Variants in ARHGAP44 observed in about 807,000 individuals in gnomAD.
ARHGAP44 encodes rho GTPase-activating protein 44.
In ARHGAP44, 43 loss-of-function variants were observed where a neutral mutation model predicts 106.8. That is an observed-to-expected ratio of 0.40 (90% CI 0.32 to 0.52). The LOEUF is 0.52. ARHGAP44 is among the 20% of genes least tolerant of loss of function. The pLI is 0.48. For synonymous variants in ARHGAP44, 439 were observed against 410.3 expected (o/e 1.07, Z -0.85); for missense variants, 866 against 1,050.5 (o/e 0.82, Z 2.43).
chr17:12,824,520 C>CA (rs2034863583), intron 1 of ARHGAP44, among the ~76,000 whole-genome samples: 2 of 152,078 alleles, frequency 1.3e-5, no homozygotes, highest in South Asian at 4.1e-4. Flanking sequence ...TTCCTGTTGT[C>CA]ACCTGCCCCA....
chr17:12,940,999 T>C, intron 7 of ARHGAP44, 57 bp from the exon 8 acceptor site: 7 of 1,487,004 alleles, frequency 4.7e-6, no homozygotes, highest in Non-Finnish European at 6.6e-6. Flanking sequence ...GACTTATGCA[T>C]TAGCCACTCT....
At chr17:12,886,958 C>A (rs1047309537) in intron 1 of ARHGAP44, among the ~76,000 whole-genome samples, 1 of 121,126 alleles carries the variant, frequency 8.3e-6, no homozygotes, top group African/African-American at 3.3e-5. Context: ...TCCTAGTTTT[C>A]TAAGAGTTTT....
intron 1 of ARHGAP44, among the ~76,000 whole-genome samples, chr17:12,791,120 G>A (rs1283098449): frequency 6.6e-6 from 1 of 152,190 alleles, no homozygotes; most frequent in African/African-American, 2.4e-5. Context: ...GGGCATTTGA[G>A]GGCAGGGGAT....
rs891225375 is a variant in ARHGAP44, at chr17:12,938,622, A to G, written c.583-2434A>G. 7.3e-5 allele frequency among the ~76,000 whole-genome samples: 11 copies of G among 150,564 alleles called. No individual in the cohort carries two copies. In the East Asian group the frequency reaches 1.8e-3, roughly 24 times the overall value. The stretch of plus-strand genomic sequence containing the variant: ...AAAAAAACAGCTGCCTGGTGGGATT[A>G]CAGGTTAATTTGGTTACTTTTATAT... On this transcript the variant is annotated intron_variant, in intron 7 of 20. Coordinates refer to ENST00000379672, the MANE Select transcript of ARHGAP44 (RefSeq NM_014859.6).
At position 12,902,859 on chromosome 17, in the gene ARHGAP44, G is replaced by A. The variant is rs118015247; in HGVS notation, c.199-6038G>A. Among the ~76,000 whole-genome samples, 163 of 152,276 alleles carry A rather than the reference G, an allele frequency of 1.1e-3. 2 individuals carry two copies. In the East Asian group the frequency reaches 0.03, roughly 28 times the overall value. On this transcript the variant is annotated intron_variant, in intron 3 of 20. Coordinates refer to ENST00000379672, the MANE Select transcript of ARHGAP44 (RefSeq NM_014859.6). ...TTGAGAGGTCAGTGAGGTAAAGCAC[G>A]TACATGCCTTGTGCAATGTTAACTT...
chr17:12,791,504 C>T (rs1438977251), intron 1 of ARHGAP44, among the ~76,000 whole-genome samples: 7 of 152,306 alleles, frequency 4.6e-5, no homozygotes, highest in African/African-American at 1.7e-4. Flanking sequence ...GCTGGTTTCT[C>T]TTGGTCTTGG....
chr17:12,892,505 A>G (rs1012724840), intron 1 of ARHGAP44, among the ~76,000 whole-genome samples: 4 of 151,754 alleles, frequency 2.6e-5, no homozygotes, highest in Non-Finnish European at 5.9e-5. Context: ...ATTTTTAGCC[A>G]TTATTTCTCT....
chr17:12,959,113 C>A, intron 16 of ARHGAP44: 1 of 579,830 alleles, frequency 1.7e-6, no homozygotes, highest in Non-Finnish European at 3.1e-6. Flanking sequence ...TCTTAGCTGA[C>A]ACAGTTGTGA....
At chr17:12,826,072 A>T (rs963779078) in intron 1 of ARHGAP44, among the ~76,000 whole-genome samples, 4 of 152,166 alleles carry the variant, frequency 2.6e-5, no homozygotes, top group Admixed American at 2.0e-4. Flanking sequence ...GGGTTTTTTT[A>T]AAAAATAATT....
intron 1 of ARHGAP44, among the ~76,000 whole-genome samples, chr17:12,886,994 A>G (rs765478373): frequency 1.5e-5 from 2 of 133,626 alleles, no homozygotes; most frequent in Admixed American, 7.6e-5. Flanking sequence ...TTTTACCATG[A>G]ATGGGTTTTG....
chr17:12,865,790 G>GAAA (rs34877405), intron 1 of ARHGAP44, among the ~76,000 whole-genome samples: 6 of 119,100 alleles, frequency 5.0e-5, no homozygotes, highest in Admixed American at 8.4e-5. Context: ...CTCATCTCAA[G>GAAA]AAAAAAAAAA....
intron 7 of ARHGAP44, among the ~76,000 whole-genome samples, chr17:12,938,730 G>T (rs2038624253): frequency 6.6e-6 from 1 of 151,998 alleles, no homozygotes; most frequent in Non-Finnish European, 1.5e-5. Context: ...TTATGAAAGG[G>T]TTTTTTACCT....
At chr17:12,964,632 A>C (rs1472270343) in intron 16 of ARHGAP44, among the ~76,000 whole-genome samples, 1 of 152,102 alleles carries the variant, frequency 6.6e-6, no homozygotes, top group African/African-American at 2.4e-5. Flanking sequence ...AATACCAAAG[A>C]AATGAGCTGG....
At chr17:12,975,762 C>T (rs550407174) in intron 18 of ARHGAP44, among the ~76,000 whole-genome samples, 3 of 139,656 alleles carry the variant, frequency 2.1e-5, no homozygotes, top group East Asian at 4.1e-4. Flanking sequence ...CGCGCCACTG[C>T]ACTCCAGCCT....
intron 1 of ARHGAP44, among the ~76,000 whole-genome samples, chr17:12,874,059 A>G (rs550970197): frequency 6.6e-6 from 1 of 152,304 alleles, no homozygotes; most frequent in Admixed American, 6.5e-5. Flanking sequence ...GGGATGGAAC[A>G]GTGAGTCAGT....
Position 12,910,342 on chromosome 17 carries a change from T to C in ARHGAP44, c.275+1369T>C, listed in dbSNP as rs541479483. Among the ~76,000 whole-genome samples, 8 of 150,114 alleles carry C rather than the reference T, an allele frequency of 5.3e-5. No individual in the cohort carries two copies. The South Asian group carries it at 8.4e-4, about 16-fold the overall frequency. ...GAAAGTTAGATTGACAAAAGGTAGATTAACAGGAGAAAAGCAAATAAATTT... is the reference window on the plus strand; with the variant it reads ...GAAAGTTAGATTGACAAAAGGTAGACTAACAGGAGAAAAGCAAATAAATTT... On this transcript the variant is annotated intron_variant, in intron 4 of 20. Coordinates refer to ENST00000379672, the MANE Select transcript of ARHGAP44 (RefSeq NM_014859.6).
At chr17:12,896,028 T>G (rs2037191627) in intron 2 of ARHGAP44, among the ~76,000 whole-genome samples, 1 of 146,954 alleles carries the variant, frequency 6.8e-6, no homozygotes, top group Non-Finnish European at 1.5e-5. Context: ...CCACATGTTC[T>G]CACTCATAGG....
chr17:12,981,134 T>A (rs1418020606), intron 19 of ARHGAP44: 1 of 152,284 alleles, frequency 6.6e-6, no homozygotes, highest in East Asian at 1.9e-4. Context: ...TCCTGCTATG[T>A]ACAGAGCTCT....
intron 3 of ARHGAP44, among the ~76,000 whole-genome samples, chr17:12,908,249 T>C (rs2037622225): frequency 7.0e-6 from 1 of 141,906 alleles, no homozygotes; most frequent in Non-Finnish European, 1.5e-5. Flanking sequence ...CAGGCTGGAG[T>C]GCAGTGGCAC....
Sources: allele counts gnomAD v4.1 joint callset (sites outside exome capture counted in the v4.1 genomes callset), GRCh38; gene constraint gnomAD v4.1.1; transcripts MANE v1.5; gene names NCBI Gene and HGNC (gene_info 2026-07-23, HGNC 2026-07-21).